Variants in HELLS observed in about 807,000 individuals in gnomAD.
HELLS encodes helicase, lymphoid specific.
Under a neutral mutation model 120.0 loss-of-function variants are expected in HELLS, and 32 were observed. The observed-to-expected ratio is 0.27, with a 90% confidence interval of 0.20 to 0.36. The LOEUF is 0.36. Ranked by LOEUF, HELLS falls within the 10% of genes least tolerant of loss-of-function variation. The pLI is 1.00. For synonymous variants in HELLS, 341 were observed against 323.4 expected, an observed-to-expected ratio of 1.05 and a Z score of -0.58; for missense variants, 650 against 993.4, an observed-to-expected ratio of 0.65 and a Z score of 4.65.
chr10:94,546,771 A>G (rs1170248082), intron 2 of HELLS, among the ~76,000 whole-genome samples: 1 of 152,190 alleles, frequency 6.6e-6, no homozygotes, highest in Non-Finnish European at 1.5e-5. Flanking sequence ...TAGCCATGAA[A>G]AGTCTTTCAA....
At chr10:94,563,402 A>C (rs988870425) in intron 6 of HELLS, among the ~76,000 whole-genome samples, 1 of 152,158 alleles carries the variant, frequency 6.6e-6, no homozygotes, top group African/African-American at 2.4e-5. Context: ...TCCTCACTTA[A>C]GTGGCAAATA....
At chr10:94,584,483 G>T (rs1160187252) in intron 12 of HELLS, among the ~76,000 whole-genome samples, 1 of 151,988 alleles carries the variant, frequency 6.6e-6, no homozygotes, top group East Asian at 1.9e-4. Flanking sequence ...TGAATTATTG[G>T]AGTAAATGAC....
chr10:94,580,129 A>G (rs1451324639), intron 10 of HELLS, among the ~76,000 whole-genome samples: 2 of 33,758 alleles, frequency 5.9e-5, no homozygotes, highest in Non-Finnish European at 9.8e-5. Flanking sequence ...ATATATATAT[A>G]TATATATATA....
chr10:94,554,164 G>A lies in HELLS; in HGVS notation c.192G>A (p.Arg64=), dbSNP rs545587130. 2 of 1,575,862 alleles carry A rather than the reference G, an allele frequency of 1.3e-6. No homozygotes were observed. Among genetic ancestry groups the A allele is most frequent in the African/African-American group, 1.4e-5 (1 of 72,606 alleles). ...GGGATAGAGAGTCGACAGAAATTCG[G>A]TACCGTAGACTTCAACATTTGCTTG... ...MSWDRESTEI[R]YRRLQHLLEK... is the part of the protein sequence containing the mutation. Residue 64 remains arginine (R), a synonymous_variant, in exon 3 of 22, where the codon CGG becomes CGA. Transcript: ENST00000348459.
intron 2 of HELLS, among the ~76,000 whole-genome samples, chr10:94,550,158 G>A (rs1842914863): frequency 6.6e-6 from 1 of 152,042 alleles, no homozygotes; most frequent in African/African-American, 2.4e-5. Context: ...AACCTCAGGT[G>A]ATCCGCCCGT....
Position 94,590,437 on chromosome 10 carries a change from A to G in HELLS, c.1513A>G (p.Thr505Ala). 1 of 1,609,122 alleles carries G rather than the reference A, an allele frequency of 6.2e-7. No individual in the cohort carries two copies. Among genetic ancestry groups the G allele is most frequent in the Non-Finnish European group, 8.5e-7 (1 of 1,178,952 alleles). ...GAAAGAAACAATTGAGTTAAGTCCTACTGGTCGACCAAAACGACGAACTAG... is the reference window on the plus strand; with the variant it reads ...GAAAGAAACAATTGAGTTAAGTCCTGCTGGTCGACCAAAACGACGAACTAG... ...SEKETIELSPTGRPKRRTRKS... is the reference protein window; with the variant it reads ...SEKETIELSPAGRPKRRTRKS... The change falls in exon 14 of 22, where the codon ACT becomes GCT. Residue 505 changes from threonine to alanine, a missense_variant. Around this residue, in one of 9 missense-constraint regions of HELLS, gnomAD observed 191 missense variants for 259.7 expected, o/e 0.74. Transcript: ENST00000348459.
intron 4 of HELLS, 38 bp downstream of exon 4, chr10:94,558,233 A>AAT: frequency 6.6e-7 from 1 of 1,525,176 alleles, no homozygotes; most frequent in Non-Finnish European, 8.7e-7. Flanking sequence ...ATGTCATTTA[A>AAT]ATATTGAAGA....
intron 2 of HELLS, among the ~76,000 whole-genome samples, chr10:94,550,423 C>T (rs890030214): frequency 1.2e-4 from 19 of 152,180 alleles, no homozygotes; most frequent in South Asian, 4.1e-4. Context: ...GGACTACAGG[C>T]GCGTGCCACC....
At chr10:94,584,698 G>C (rs763118824) in intron 12 of HELLS, among the ~76,000 whole-genome samples, 6 of 152,096 alleles carry the variant, frequency 3.9e-5, no homozygotes, top group Non-Finnish European at 7.4e-5. Context: ...TCTGCCTTTT[G>C]ATTGAACATT....
chr10:94,558,789 G>C (rs541822336), intron 4 of HELLS, among the ~76,000 whole-genome samples: 1 of 152,134 alleles, frequency 6.6e-6, no homozygotes, highest in African/African-American at 2.4e-5. Flanking sequence ...TTTCAGTAGA[G>C]ACAGAGTTTT....
chr10:94,592,536 A>C, intron 17 of HELLS, 22 bp downstream of exon 17: 4 of 1,345,080 alleles, frequency 3.0e-6, no homozygotes, highest in Admixed American at 5.6e-5. Flanking sequence ...TATGTCATAC[A>C]TACCAAACTA....
rs766302617 is a variant in HELLS at position 94,545,894 on chromosome 10, G to A, written c.-28G>A. 1 of 1,552,162 alleles carries A rather than the reference G, an allele frequency of 6.4e-7. No individual in the cohort carries two copies. On this transcript the variant is annotated 5_prime_UTR_variant, in exon 1 of 22. Coordinates refer to ENST00000348459, the MANE Select transcript of HELLS (RefSeq NM_018063.5). ...GGCATTGCAGGCTCTGAGAGGAGGG[G>A]ACCCGGTTCCCGGGTGAGTGTCCAG...
intron 7 of HELLS, 110 bp from the exon 8 acceptor site, chr10:94,573,850 A>G: frequency 1.6e-6 from 1 of 644,770 alleles, no homozygotes; most frequent in Non-Finnish European, 2.7e-6. Flanking sequence ...AGTCTTCTAT[A>G]CTTAATGATT....
chr10:94,594,166 T>G (rs1394264965), intron 18 of HELLS, among the ~76,000 whole-genome samples: 1 of 151,988 alleles, frequency 6.6e-6, no homozygotes, highest in Non-Finnish European at 1.5e-5. Flanking sequence ...CTTCATAAAG[T>G]TTTTTGCAAG....
downstream of HELLS, among the ~76,000 whole-genome samples, chr10:94,606,860 C>T (rs1846135127): frequency 6.6e-6 from 1 of 152,148 alleles, no homozygotes; most frequent in Non-Finnish European, 1.5e-5. Context: ...GGATTTTACT[C>T]CAGTGTGATT....
At chr10:94,594,889 A>T (rs1589762462) in intron 19 of HELLS, 35 bp downstream of exon 19, 1 of 1,455,154 alleles carries the variant, frequency 6.9e-7, no homozygotes, top group Non-Finnish European at 9.5e-7. Flanking sequence ...TATTGTTTAA[A>T]TTGTGCATTG....
intron 8 of HELLS, 158 bp from the exon 9 acceptor site, chr10:94,574,396 A>T: frequency 1.4e-6 from 1 of 706,084 alleles, no homozygotes; most frequent in Non-Finnish European, 2.3e-6. Flanking sequence ...GCTTTGATAA[A>T]GGACTTTCCA....
intron 2 of HELLS, among the ~76,000 whole-genome samples, chr10:94,548,046 C>T (rs1265785053): frequency 6.6e-6 from 1 of 152,148 alleles, no homozygotes. Context: ...TACTTTATTA[C>T]ACAGAATTTA....
At chr10:94,558,427 C>T (rs1446408218) in intron 4 of HELLS, among the ~76,000 whole-genome samples, 1 of 152,046 alleles carries the variant, frequency 6.6e-6, no homozygotes, top group African/African-American at 2.4e-5. Flanking sequence ...TTATTTTGGA[C>T]GTTGGCAAAA....
Sources: allele counts gnomAD v4.1 joint callset (sites outside exome capture counted in the v4.1 genomes callset), GRCh38; gene constraint gnomAD v4.1.1; regional missense constraint gnomAD v4.1.1; transcripts MANE v1.5; gene names NCBI Gene and HGNC (gene_info 2026-07-23, HGNC 2026-07-21).